ARSK: variants seen among roughly 807,000 people sequenced by gnomAD.
The protein encoded by ARSK is arylsulfatase K.
ARSK carries 37 observed loss-of-function variants against 53.2 expected under a neutral mutation model. That is an observed-to-expected ratio of 0.70 (90% confidence interval 0.54 to 0.92). The LOEUF (loss-of-function observed/expected upper bound fraction) is 0.92. Ranked by LOEUF, ARSK falls within the 40% of genes least tolerant of loss-of-function variation. ARSK has a pLI of 0.00. For missense variants in ARSK, 613 were observed against 643.0 expected, an observed-to-expected ratio of 0.95 and a Z score of 0.51; for synonymous variants, 208 against 223.2, an observed-to-expected ratio of 0.93 and a Z score of 0.61.
chr5:95,587,968 A>G (rs1388179260), intron 5 of ARSK, among the ~76,000 whole-genome samples: 1 of 152,132 alleles, frequency 6.6e-6, no homozygotes, highest in Non-Finnish European at 1.5e-5. Flanking sequence ...CAATGCAAAT[A>G]AGATCTTAAG....
chr5:95,588,438 T>C (rs2112438653), intron 5 of ARSK, among the ~76,000 whole-genome samples: 1 of 151,426 alleles, frequency 6.6e-6, no homozygotes, highest in East Asian at 2.0e-4. Flanking sequence ...GGTTTCACCA[T>C]GTTGGTCAGG....
chr5:95,602,571 A>C (rs1472620642), intron 7 of ARSK, among the ~76,000 whole-genome samples: 1 of 152,214 alleles, frequency 6.6e-6, no homozygotes, highest in South Asian at 2.1e-4. Context: ...AATTGTCATA[A>C]GATCTCTGAC....
In ARSK at chr5:95,583,061, A is replaced by G. The variant is rs772725763; in HGVS notation, c.562A>G (p.Arg188Gly). 2 of 1,613,890 alleles carry G rather than the reference A, an allele frequency of 1.2e-6. No individual in the cohort carries two copies. The highest frequency in any genetic ancestry group is 1.7e-6 in the Non-Finnish European group (2 of 1,179,792). Residue 188 changes from arginine (R) to glycine (G), a missense_variant, in exon 4 of 8, where the codon AGA becomes GGA. Coordinates refer to ENST00000380009, the MANE Select transcript of ARSK (RefSeq NM_198150.3). ...TACAGACAAAGCAGTAAACTGGTTA[A>G]GAAAGGAAGCAATTAATTACACTGA... ...QNTDKAVNWL[R>G]KEAINYTEPF...
At chr5:95,562,039 AC>A (rs1220771629) in intron 1 of ARSK, among the ~76,000 whole-genome samples, 5 of 152,062 alleles carry the variant, frequency 3.3e-5, no homozygotes, top group Admixed American at 6.5e-5. Context: ...ACATGGTGAA[AC>A]CCCATCTCTA....
chr5:95,555,275 G>C lies in ARSK; in HGVS notation c.-4G>C, dbSNP rs1169330102. 1.9e-6 allele frequency: 3 copies of C among 1,595,382 alleles called. No individual in the cohort carries two copies. Among genetic ancestry groups the C allele is most frequent in the Non-Finnish European group, 2.6e-6 (3 of 1,176,302 alleles). On this transcript the variant is annotated 5_prime_UTR_variant, in exon 1 of 8. Coordinates refer to ENST00000380009, the MANE Select transcript of ARSK (RefSeq NM_198150.3). The surrounding 1 kb of genome is among the most constrained non-coding windows in gnomAD (Gnocchi z 4.0). ...GCGGCAGGCTCTCAGAACCGCTACC[G>C]GCGATGCTACTGCTGTGGGTGTCGG... is the stretch of plus-strand genomic sequence containing the variant.
chr5:95,556,246 A>G (rs1210145609), intron 1 of ARSK: 1 of 702,172 alleles, frequency 1.4e-6, no homozygotes, highest in Non-Finnish European at 2.6e-6. Context: ...GGATGTGCCC[A>G]TGGGATTTTT....
chr5:95,565,980 A>G lies in ARSK; in HGVS notation c.127-18A>G, dbSNP rs1229729539. ...TTTGGTAATGTAATCAATGCTAATT[A>G]AATTTCTTTATTTCCAGGATGGAAG... On this transcript the variant is annotated intron_variant, in intron 1 of 7. Coordinates refer to ENST00000380009, the MANE Select transcript of ARSK (RefSeq NM_198150.3). 3 of 1,592,762 alleles carry G rather than the reference A, an allele frequency of 1.9e-6. No individual in the cohort carries two copies. In the African/African-American group the frequency reaches 4.1e-5, roughly 22 times the overall value.
At position 95,556,228 on chromosome 5, in the gene ARSK, C is replaced by T. The variant is rs139677550; in HGVS notation, c.126+824C>T. 2.2e-4 allele frequency: 152 copies of T among 702,258 alleles called. No homozygotes were observed. The Middle Eastern group carries it at 3.4e-3, about 16-fold the overall frequency. 43.5% of individuals were successfully genotyped at this position (702,258 alleles called of 1,614,324 possible). On this transcript the variant is annotated intron_variant, in intron 1 of 7. Transcript: ENST00000380009. ...CGTAGATTCCTGATGATTAAAATTACATAGTCTGGATGTGCCCATGGGATT... is the reference window on the plus strand; with the variant it reads ...CGTAGATTCCTGATGATTAAAATTATATAGTCTGGATGTGCCCATGGGATT...
chr5:95,561,919 AAGAAC>A (rs1394654869), intron 1 of ARSK, among the ~76,000 whole-genome samples: 1 of 152,148 alleles, frequency 6.6e-6, no homozygotes, highest in Non-Finnish European at 1.5e-5. Flanking sequence ...CCATTTTTAA[AAGAAC>A]AGAAAACAGG....
At position 95,603,523 on chromosome 5, in the gene ARSK, T is replaced by C. The variant is rs756373273; in HGVS notation, c.1608T>C (p.Val536=). Residue 536 remains valine, a synonymous_variant, in exon 8 of 8, where the codon GTT becomes GTC. Transcript: ENST00000380009. ...WLKTHMNPRA[V] ...AAACCCATATGAATCCAAGAGCAGT[T>C]TGAACAAAAAGTTTAAAAATAGTGT... 18 of 1,587,058 alleles carry C rather than the reference T, an allele frequency of 1.1e-5. No homozygotes were observed. The highest frequency in any genetic ancestry group is 1.1e-4 in the African/African-American group (8 of 73,428).
At chr5:95,574,779 C>A (rs1748894652) in intron 3 of ARSK, among the ~76,000 whole-genome samples, 2 of 152,026 alleles carry the variant, frequency 1.3e-5, no homozygotes, top group African/African-American at 4.8e-5. Context: ...AATGTTTTCT[C>A]CCATCTGTGG....
intron 1 of ARSK, among the ~76,000 whole-genome samples, chr5:95,564,704 T>C (rs1449855340): frequency 6.6e-6 from 1 of 152,152 alleles, no homozygotes; most frequent in East Asian, 1.9e-4. Context: ...ACAGCAGATG[T>C]TACCTCTTTC....
At chr5:95,580,784 A>T in intron 3 of ARSK, 1 of 446,010 alleles carries the variant, frequency 2.2e-6, no homozygotes, top group Non-Finnish European at 3.8e-6. Flanking sequence ...AAACAGTGCT[A>T]AATGATTTTA....
At chr5:95,600,701 G>T in intron 6 of ARSK, 146 bp from the exon 7 acceptor site, 1 of 822,216 alleles carries the variant, frequency 1.2e-6, no homozygotes. Flanking sequence ...TGTGAATTTT[G>T]GCAGCCTGTT....
intron 1 of ARSK, chr5:95,556,892 C>T (rs1053965559): frequency 6.6e-6 from 1 of 151,978 alleles, no homozygotes; most frequent in Admixed American, 6.6e-5. Flanking sequence ...CGCCTGTAGT[C>T]CCAGCTACTC....
chr5:95,555,295 T>A lies in ARSK; in HGVS notation c.17T>A (p.Val6Glu), dbSNP rs138271997. 1.9e-6 allele frequency: 3 copies of A among 1,601,038 alleles called. No individual in the cohort carries two copies. Among genetic ancestry groups the A allele is most frequent in the Non-Finnish European group, 1.7e-6 (2 of 1,178,818 alleles). The change falls in exon 1 of 8, where the codon GTG (valine) becomes GAG (glutamate). Residue 6 changes from valine to glutamate, a missense_variant. Physicochemically the swap from Val to Glu is moderately radical, Grantham distance 121. Coordinates refer to ENST00000380009, the MANE Select transcript of ARSK (RefSeq NM_198150.3). The surrounding 1 kb of genome is among the most constrained non-coding windows in gnomAD (Gnocchi z 4.0). The part of the protein sequence containing the change: MLLLW[V>E]SVVAALALAV... ...CTACCGGCGATGCTACTGCTGTGGG[T>A]GTCGGTGGTCGCAGCCTTGGCGCTG...
At chr5:95,600,729 A>G (rs1229806798) in intron 6 of ARSK, 118 bp from the exon 7 acceptor site, 1 of 1,029,472 alleles carries the variant, frequency 9.7e-7, no homozygotes, top group Non-Finnish European at 1.5e-6. Context: ...TCCATATACA[A>G]TCTCCAGTCT....
intron 1 of ARSK, among the ~76,000 whole-genome samples, chr5:95,557,693 T>A (rs759453119): frequency 2.0e-5 from 3 of 152,238 alleles, no homozygotes; most frequent in Admixed American, 6.5e-5. Context: ...GATTTATCAT[T>A]TCTAAAACTC....
At chr5:95,565,834 T>G (rs892035098) in intron 1 of ARSK, among the ~76,000 whole-genome samples, 164 bp from the exon 2 acceptor site, 7 of 152,236 alleles carry the variant, frequency 4.6e-5, no homozygotes, top group African/African-American at 1.7e-4. Context: ...TAGCTATTTA[T>G]GTACCAGATA....
Sources: gnomAD v4.1 joint callset for allele counts (sites outside exome capture counted in the v4.1 genomes callset) on GRCh38, gnomAD v4.1.1 for gene constraint, Gnocchi (gnomAD v3.1) non-coding constraint, MANE v1.5 for transcripts, NCBI Gene and HGNC (gene_info 2026-07-23, HGNC 2026-07-21) for gene names.